AFF3: variants seen among roughly 807,000 people sequenced by gnomAD.
AFF3 encodes AF4/FMR2 family member 3.
AFF3 carries 32 observed loss-of-function variants against 129.7 expected under a neutral mutation model. The observed-to-expected ratio is 0.25, with a 90% CI of 0.19 to 0.33. AFF3 has a LOEUF of 0.33. Ranked by LOEUF, AFF3 falls within the 10% of genes least tolerant of loss-of-function variation. The pLI is 1.00. For synonymous variants in AFF3, 644 were observed against 635.4 expected (o/e 1.01, Z -0.20); for missense variants, 1,373 against 1,592.0 (o/e 0.86, Z 2.34).
Position 100,140,833 on chromosome 2 carries a change from T to C in AFF3, c.-228+1651A>G, listed in dbSNP as rs535612106. ...TTCCTGCTCACTACTTGTCTGTAGC[T>C]ACAGTGTAAGGACTGTAATGTCACT... On this transcript the variant is annotated intron_variant, in intron 1 of 24. Transcript: ENST00000672756. Among the ~76,000 whole-genome samples, 404 of 152,298 alleles carry C rather than the reference T, an allele frequency of 2.7e-3. 1 individual carries two copies. The highest frequency in any genetic ancestry group is 9.4e-3 in the African/African-American group (391 of 41,570).
intron 13 of AFF3, among the ~76,000 whole-genome samples, chr2:99,646,110 C>G (rs1684665105): frequency 6.6e-6 from 1 of 152,200 alleles, no homozygotes; most frequent in African/African-American, 2.4e-5. Flanking sequence ...AAACTCATGT[C>G]CTTCCACCAA....
intron 8 of AFF3, among the ~76,000 whole-genome samples, chr2:99,762,504 T>A (rs1012288845): frequency 1.3e-5 from 2 of 152,200 alleles, no homozygotes; most frequent in South Asian, 2.1e-4. Context: ...AGAATATTTT[T>A]AAAATCCCTA....
intron 7 of AFF3, among the ~76,000 whole-genome samples, chr2:99,951,109 T>C (rs982780534): frequency 1.3e-5 from 2 of 152,222 alleles, no homozygotes; most frequent in South Asian, 2.1e-4. Flanking sequence ...AACATTCTAA[T>C]TGAAACTATA....
rs754906953 is a variant in AFF3 at position 99,568,832 on chromosome 2, T to A, written c.2982+20A>T. ...CACACATAATTTGGAAGAACGTATCTGGAAAGAAAAGGGTCTCACCATTGC... is the reference window on the plus strand; with the variant it reads ...CACACATAATTTGGAAGAACGTATCAGGAAAGAAAAGGGTCTCACCATTGC... On this transcript the variant is annotated intron_variant, in intron 19 of 24. Coordinates refer to ENST00000672756, the MANE Select transcript of AFF3 (RefSeq NM_001386135.1). 1.3e-5 allele frequency: 21 copies of A among 1,612,706 alleles called. No individual in the cohort carries two copies. The highest frequency in any genetic ancestry group is 1.8e-5 in the Non-Finnish European group (21 of 1,178,714).
chr2:99,724,054 G>A (rs955109150), intron 11 of AFF3, among the ~76,000 whole-genome samples: 2 of 151,984 alleles, frequency 1.3e-5, no homozygotes, highest in Non-Finnish European at 2.9e-5. Context: ...ATAAATTTCT[G>A]TTACTTTCGC....
chr2:99,599,526 G>T (rs1230925284), intron 14 of AFF3, among the ~76,000 whole-genome samples: 1 of 152,188 alleles, frequency 6.6e-6, no homozygotes, highest in Non-Finnish European at 1.5e-5. Context: ...AAAGTGCTGG[G>T]ATTACAGGCA....
intron 7 of AFF3, among the ~76,000 whole-genome samples, chr2:99,973,067 G>T (rs115467622): frequency 1.3e-5 from 2 of 152,198 alleles, no homozygotes; most frequent in Admixed American, 6.5e-5. Flanking sequence ...AAATAAACCC[G>T]AAAACAACAC....
rs574331749 is a variant in AFF3 at position 99,676,725 on chromosome 2, C to T, written c.1092-4136G>A. On this transcript the variant is annotated intron_variant, in intron 11 of 24. Transcript: ENST00000672756. The stretch of plus-strand genomic sequence containing the variant: ...CAGGGCCATTTGCTCTATTTTCAGG[C>T]CATTTTGAAAAGAAAGGGTCATGTT... Among the ~76,000 whole-genome samples, 4 of 152,188 alleles carry T rather than the reference C, an allele frequency of 2.6e-5. No homozygotes were observed. The South Asian group carries it at 6.2e-4, about 24-fold the overall frequency.
intron 7 of AFF3, among the ~76,000 whole-genome samples, chr2:99,844,115 A>T (rs951139720): frequency 3.9e-5 from 6 of 152,176 alleles, no homozygotes. Context: ...GATACAAAAA[A>T]AGACCTGAAA....
rs183663711 is a variant in AFF3 at position 99,575,091 on chromosome 2, T to C, written c.2918+3236A>G. Among the ~76,000 whole-genome samples the C allele has an allele frequency of 5.3e-5, 8 of 152,288 alleles. No homozygotes were observed. The East Asian group carries it at 1.2e-3, about 22-fold the overall frequency. On this transcript the variant is annotated intron_variant, in intron 18 of 24. Transcript: ENST00000672756. ...CTCCCCTGAAGAACTGAGAATTAAT[T>C]AATCATTATACTTCAGCTCTTGTGC...
intron 8 of AFF3, among the ~76,000 whole-genome samples, chr2:99,787,884 T>C (rs566569282): frequency 1.1e-4 from 16 of 152,326 alleles, no homozygotes; most frequent in African/African-American, 3.8e-4. Context: ...TTCTCAGAAC[T>C]AGACAGCATA....
Position 99,733,248 on chromosome 2 carries a change from G to A in AFF3, c.1040-6120C>T, listed in dbSNP as rs1433570088. Among the ~76,000 whole-genome samples the A allele has an allele frequency of 5.3e-5, 8 of 151,642 alleles. No individual in the cohort carries two copies. The South Asian group carries it at 6.2e-4, about 12-fold the overall frequency. On this transcript the variant is annotated intron_variant, in intron 10 of 24. Coordinates refer to ENST00000672756, the MANE Select transcript of AFF3 (RefSeq NM_001386135.1). ...TAAAAAATTAGCCGGGTGTGGTGGCGGGCGCCTTGTAGTCCCAGCTACTAG... is the reference window on the plus strand; with the variant it reads ...TAAAAAATTAGCCGGGTGTGGTGGCAGGCGCCTTGTAGTCCCAGCTACTAG...
intron 2 of AFF3, among the ~76,000 whole-genome samples, chr2:100,120,095 A>G (rs563305876): frequency 1.3e-5 from 2 of 152,348 alleles, no homozygotes; most frequent in South Asian, 2.1e-4. Context: ...TGTTTAATAC[A>G]TAGTCCATAC....
At chr2:99,924,876 A>C (rs1484035736) in intron 7 of AFF3, among the ~76,000 whole-genome samples, 1 of 148,256 alleles carries the variant, frequency 6.7e-6, no homozygotes, top group Non-Finnish European at 1.5e-5. Flanking sequence ...ATGATTTATT[A>C]ATTTTTTTTT....
At chr2:99,806,140 G>A (rs530859048) in intron 8 of AFF3, among the ~76,000 whole-genome samples, 64 of 152,250 alleles carry the variant, frequency 4.2e-4, no homozygotes, top group Middle Eastern at 3.4e-3. Context: ...GATAAATAAG[G>A]TTCGCATTTG....
At chr2:100,082,512 T>C (rs182514378) in intron 4 of AFF3, among the ~76,000 whole-genome samples, 6 of 152,316 alleles carry the variant, frequency 3.9e-5, no homozygotes, top group African/African-American at 1.4e-4. Context: ...GGATCACTTC[T>C]GTACTCTTGG....
intron 13 of AFF3, among the ~76,000 whole-genome samples, chr2:99,615,108 G>C (rs979708580): frequency 6.6e-6 from 1 of 152,218 alleles, no homozygotes; most frequent in Non-Finnish European, 1.5e-5. Context: ...ATGGGGCAGA[G>C]CCCTCTAGCC....
At chr2:99,674,142 G>A (rs1260373650) in intron 11 of AFF3, among the ~76,000 whole-genome samples, 3 of 152,166 alleles carry the variant, frequency 2.0e-5, no homozygotes, top group Non-Finnish European at 4.4e-5. Flanking sequence ...TCCCAGTGCC[G>A]AGAGGTGTCG....
At chr2:100,134,639 C>T (rs918024220) in intron 1 of AFF3, among the ~76,000 whole-genome samples, 1 of 152,134 alleles carries the variant, frequency 6.6e-6, no homozygotes, top group African/African-American at 2.4e-5. Flanking sequence ...TCTCACATGA[C>T]GATCCTTTTA....
Sources: allele counts gnomAD v4.1 joint callset (sites outside exome capture counted in the v4.1 genomes callset), GRCh38; gene constraint gnomAD v4.1.1; transcripts MANE v1.5; gene names NCBI Gene and HGNC (gene_info 2026-07-23, HGNC 2026-07-21).